LIPG: variants seen among roughly 807,000 people sequenced by gnomAD.
LIPG encodes lipase G, endothelial type.
A neutral mutation model predicts 51.8 loss-of-function variants in LIPG; 34 were observed. The ratio of observed to expected loss-of-function variants is 0.66; its 90% confidence interval spans 0.50 to 0.87. The LOEUF (loss-of-function observed/expected upper bound fraction) is 0.87, where lower values mean the gene tolerates loss of function less well. LIPG is among the 40% of genes least tolerant of loss of function. The pLI is 0.00. For missense variants in LIPG, 580 were observed against 652.7 expected (o/e 0.89, Z 1.21); for synonymous variants, 246 against 246.1 (o/e 1.00, Z 0.00).
chr18:49,564,869 A>G (rs2084586001), intron 1 of LIPG, among the ~76,000 whole-genome samples: 1 of 152,242 alleles, frequency 6.6e-6, no homozygotes, highest in Non-Finnish European at 1.5e-5. Flanking sequence ...CAGGGGGAAT[A>G]GCCCAGGCCC....
chr18:49,583,634 C>G lies in LIPG; in HGVS notation c.1236C>G (p.Ile412Met). 1 of 1,614,170 alleles carries G rather than the reference C, an allele frequency of 6.2e-7. No homozygotes were observed. The highest frequency in any genetic ancestry group is 2.2e-5 in the East Asian group (1 of 44,860). ...AGGACTTGGGAGACCTCTTGAAGATCCAGCTCACCTGGGAGGGGGCCTCTC... is the reference window on the plus strand; with the variant it reads ...AGGACTTGGGAGACCTCTTGAAGATGCAGCTCACCTGGGAGGGGGCCTCTC... ...TEEDLGDLLKIQLTWEGASQS... is the reference protein window; with the variant it reads ...TEEDLGDLLKMQLTWEGASQS... Residue 412 changes from isoleucine to methionine, a missense_variant, in exon 8 of 10, where the codon ATC (isoleucine) becomes ATG (methionine). Coordinates refer to ENST00000261292, the MANE Select transcript of LIPG (RefSeq NM_006033.4).
rs1391469384 is a variant in LIPG, at chr18:49,594,457, T to C, written c.*3935T>C. On this transcript the variant is annotated 3_prime_UTR_variant, in exon 10 of 10. Coordinates refer to ENST00000261292, the MANE Select transcript of LIPG (RefSeq NM_006033.4). ...GCCACTAGCTGTAATTTTGTATCTT[T>C]TAACAATTCCGTCCCTATTTCCCCT... is the stretch of plus-strand genomic sequence containing the variant. 1 of 152,158 alleles carries C rather than the reference T, an allele frequency of 6.6e-6. No homozygotes were observed. The highest frequency in any genetic ancestry group is 2.4e-5 in the African/African-American group (1 of 41,452). The allele number at this position is 152,158 out of a possible 1,614,324, so 9.4% of individuals were successfully genotyped here. A position where few individuals can be genotyped will look rare whatever the true frequency, so the allele number is the denominator to read the frequency against.
In LIPG at chr18:49,580,772, G is replaced by C. The variant is rs538885849; in HGVS notation, c.794-643G>C. On this transcript the variant is annotated intron_variant, in intron 5 of 9. Coordinates refer to ENST00000261292, the MANE Select transcript of LIPG (RefSeq NM_006033.4). The stretch of plus-strand genomic sequence containing the variant: ...CTGTGGCTGTATAGCCCTATTAGGA[G>C]GTAGTGACTCCTGCTGCACAGCTGG... Among the ~76,000 whole-genome samples, 21 of 152,310 alleles carry C rather than the reference G, an allele frequency of 1.4e-4. 1 individual carries two copies. In the East Asian group the frequency reaches 3.9e-3, roughly 28 times the overall value.
rs1422033451 is a variant in LIPG at position 49,594,572 on chromosome 18, G to A, written c.*4050G>A. The A allele has an allele frequency of 1.3e-5, 2 of 152,194 alleles. No homozygotes were observed. The highest frequency in any genetic ancestry group is 4.8e-5 in the African/African-American group (2 of 41,442). 9.4% of individuals were successfully genotyped at this position (152,194 alleles called of 1,614,324 possible). ...TAGTTTTTTCTCTGCTAAAGCCAGC[G>A]AGATAGACCAGAGTACCCTTTAAAT... On this transcript the variant is annotated 3_prime_UTR_variant, in exon 10 of 10. Coordinates refer to ENST00000261292, the MANE Select transcript of LIPG (RefSeq NM_006033.4).
At position 49,590,601 on chromosome 18, in the gene LIPG, G is replaced by C. The variant is rs928823584; in HGVS notation, c.*79G>C. 6 of 1,398,984 alleles carry C rather than the reference G, an allele frequency of 4.3e-6. No homozygotes were observed. The East Asian group carries it at 1.5e-4, about 34-fold the overall frequency. 86.7% of individuals were successfully genotyped at this position (1,398,984 alleles called of 1,614,324 possible). A position where few individuals can be genotyped will look rare whatever the true frequency, so the allele number is the denominator to read the frequency against. On this transcript the variant is annotated 3_prime_UTR_variant, in exon 10 of 10. Coordinates refer to ENST00000261292, the MANE Select transcript of LIPG (RefSeq NM_006033.4). ...CCCATGGAGGAAAGTTACTGCTGAGGACCCACCCAATGGAAGGATTCTTCT... is the reference window on the plus strand; with the variant it reads ...CCCATGGAGGAAAGTTACTGCTGAGCACCCACCCAATGGAAGGATTCTTCT...
chr18:49,570,381 T>C (rs1028623889), intron 4 of LIPG, among the ~76,000 whole-genome samples: 1 of 152,170 alleles, frequency 6.6e-6, no homozygotes, highest in Non-Finnish European at 1.5e-5. Flanking sequence ...TATGCTACAA[T>C]TAATGGTAAA....
intron 8 of LIPG, among the ~76,000 whole-genome samples, chr18:49,586,207 G>T (rs1256961152): frequency 6.6e-6 from 1 of 152,182 alleles, no homozygotes; most frequent in Non-Finnish European, 1.5e-5. Context: ...TCTTGTCAAT[G>T]GATATTTACA....
intron 9 of LIPG, among the ~76,000 whole-genome samples, chr18:49,588,207 G>A (rs1464120132): frequency 6.6e-6 from 1 of 152,064 alleles, no homozygotes; most frequent in African/African-American, 2.4e-5. Context: ...GGGAGATAAA[G>A]AGAAGCACAA....
rs944137595 is a variant in LIPG at position 49,597,252 on chromosome 18, C to A, written c.*6730C>A. Reference sequence around the variant, plus strand: ...TTCTAATCGAGGCCCCTAAAATATTCCTGATTTTCACAGTTGATTTCATTT... The same window carrying A: ...TTCTAATCGAGGCCCCTAAAATATTACTGATTTTCACAGTTGATTTCATTT... On this transcript the variant is annotated 3_prime_UTR_variant, in exon 10 of 10. Coordinates refer to ENST00000261292, the MANE Select transcript of LIPG (RefSeq NM_006033.4). 1 of 152,144 alleles carries A rather than the reference C, an allele frequency of 6.6e-6. No homozygotes were observed. Among genetic ancestry groups the A allele is most frequent in the Non-Finnish European group, 1.5e-5 (1 of 68,040 alleles). 9.4% of individuals were successfully genotyped at this position (152,144 alleles called of 1,614,324 possible).
At chr18:49,586,618 G>A (rs1600568777) in intron 8 of LIPG, 128 bp from the exon 9 acceptor site, 2 of 720,420 alleles carry the variant, frequency 2.8e-6, no homozygotes, top group East Asian at 5.3e-5. Flanking sequence ...AATTCTGAAG[G>A]CTTTTGAGTC....
At chr18:49,564,146 C>T (rs111840509) in intron 1 of LIPG, among the ~76,000 whole-genome samples, 9 of 152,176 alleles carry the variant, frequency 5.9e-5, no homozygotes, top group Non-Finnish European at 1.0e-4. Flanking sequence ...CTTTCCCCTC[C>T]GCCCTCTCCA....
At chr18:49,573,936 C>T (rs2084689214) in intron 4 of LIPG, among the ~76,000 whole-genome samples, 1 of 152,144 alleles carries the variant, frequency 6.6e-6, no homozygotes, top group African/African-American at 2.4e-5. Flanking sequence ...TTGGGATTGA[C>T]TTGTGCACTG....
chr18:49,583,491 C>G (rs1247335196), intron 7 of LIPG, 65 bp from the exon 8 acceptor site: 54 of 1,355,890 alleles, frequency 4.0e-5, no homozygotes, highest in Non-Finnish European at 3.5e-5. Flanking sequence ...CACTGTGTCA[C>G]CCCACACAGT....
At chr18:49,579,007 A>ACCGTG (rs1232155008) in intron 5 of LIPG, among the ~76,000 whole-genome samples, 3 of 598 alleles carry the variant, frequency 5.0e-3, no homozygotes, top group African/African-American at 6.3e-3. Flanking sequence ...CCGTGGGGAG[A>ACCGTG]GGGAGAGGGA....
At chr18:49,590,173 T>TTATGTG in intron 9 of LIPG, 1 of 371,036 alleles carries the variant, frequency 2.7e-6, no homozygotes, top group Non-Finnish European at 5.1e-6. Context: ...GTGTCCATGA[T>TTATGTG]TGTGTGTGTG....
intron 5 of LIPG, among the ~76,000 whole-genome samples, chr18:49,578,074 GCCCCCCACCTCCCTC>G (rs2084747487): frequency 1.2e-5 from 1 of 84,008 alleles, no homozygotes; most frequent in East Asian, 3.6e-4. Flanking sequence ...GGGGGGGCTG[GCCCCCCACCTCCCTC>G]CCGGATGGGG....
chr18:49,585,443 T>G (rs2084870895), intron 8 of LIPG, among the ~76,000 whole-genome samples: 1 of 152,228 alleles, frequency 6.6e-6, no homozygotes, highest in South Asian at 2.1e-4. Flanking sequence ...GGACATAATA[T>G]TTTACAATTT....
Position 49,567,557 on chromosome 18 carries a change from C to G in LIPG, c.395C>G (p.Thr132Arg), listed in dbSNP as rs781619069. ...DWLPLAHQLY[T>R]DAVNNTRVVG... is the part of the protein sequence containing the mutation. ...CTCCCCCTGGCCCACCAGCTTTACACGGATGCGGTCAATAATACCAGGGTG... is the reference window on the plus strand; with the variant it reads ...CTCCCCCTGGCCCACCAGCTTTACAGGGATGCGGTCAATAATACCAGGGTG... The change falls in exon 3 of 10, where the codon ACG (threonine) becomes AGG (arginine). Residue 132 changes from threonine to arginine, a missense_variant. Transcript: ENST00000261292. 1.2e-6 allele frequency: 2 copies of G among 1,614,026 alleles called. No homozygotes were observed. Among genetic ancestry groups the G allele is most frequent in the Non-Finnish European group, 1.7e-6 (2 of 1,180,040 alleles).
chr18:49,567,072 C>T (rs1160966432), intron 2 of LIPG, among the ~76,000 whole-genome samples: 1 of 152,212 alleles, frequency 6.6e-6, no homozygotes, highest in South Asian at 2.1e-4. Flanking sequence ...CATGGTGGCT[C>T]ACGCCTATAA....
Sources: gnomAD v4.1 joint callset for allele counts (sites outside exome capture counted in the v4.1 genomes callset) on GRCh38, gnomAD v4.1.1 for gene constraint, MANE v1.5 for transcripts, NCBI Gene and HGNC (gene_info 2026-07-23, HGNC 2026-07-21) for gene names.